Variants in SPAG16 observed in about 807,000 individuals in gnomAD.
SPAG16 encodes sperm associated antigen 16.
SPAG16 carries 86 observed loss-of-function variants against 80.4 expected under a neutral mutation model. That is an observed-to-expected ratio of 1.07 (90% CI 0.90 to 1.28). The LOEUF (loss-of-function observed/expected upper bound fraction) is 1.28, where lower values mean the gene tolerates loss of function less well. SPAG16 is among the 50% of genes most tolerant of loss of function. The pLI, the probability that SPAG16 is intolerant of heterozygous loss-of-function variation, is 0.00. For missense variants in SPAG16, 870 were observed against 765.3 expected (o/e 1.14, Z -1.61); for synonymous variants, 294 against 265.9 (o/e 1.11, Z -1.03).
At position 214,113,199 on chromosome 2, in the gene SPAG16, A is replaced by G. The variant is rs1217913779; in HGVS notation, c.1593+4938A>G. On this transcript the variant is annotated intron_variant, in intron 14 of 15. Transcript: ENST00000331683. ...TATTGAGAGATCCTCTGTTAGTCTG[A>G]TGGGCTTCCCTTTGTGGGTTACCTG... Among the ~76,000 whole-genome samples, 3 of 152,172 alleles carry G rather than the reference A, an allele frequency of 2.0e-5. No homozygotes were observed. In the East Asian group the frequency reaches 5.8e-4, roughly 29 times the overall value.
At chr2:214,078,242 TA>T in intron 13 of SPAG16, among the ~76,000 whole-genome samples, 1 of 151,998 alleles carries the variant, frequency 6.6e-6, no homozygotes, top group Non-Finnish European at 1.5e-5. Flanking sequence ...TGACAAAGAT[TA>T]AAAGTATAGT....
intron 10 of SPAG16, among the ~76,000 whole-genome samples, chr2:213,672,078 G>A (rs1385654463): frequency 2.6e-5 from 4 of 152,094 alleles, no homozygotes; most frequent in Non-Finnish European, 2.9e-5. Flanking sequence ...CAGCAATGTC[G>A]AGAATTATTA....
At chr2:213,936,724 A>G (rs2106271741) in intron 12 of SPAG16, among the ~76,000 whole-genome samples, 1 of 152,334 alleles carries the variant, frequency 6.6e-6, no homozygotes, top group Non-Finnish European at 1.5e-5. Context: ...TATAAACATT[A>G]TAAAAGGCTT....
chr2:213,431,820 G>A (rs2134602), intron 9 of SPAG16, among the ~76,000 whole-genome samples: 22,226 of 151,868 alleles, frequency 0.15, 3,546 homozygotes, highest in African/African-American at 0.4. Flanking sequence ...AGCGCATGCA[G>A]CATTCTCCAA....
chr2:214,112,031 C>T (rs1019018808), intron 14 of SPAG16, among the ~76,000 whole-genome samples: 36 of 152,112 alleles, frequency 2.4e-4, no homozygotes, highest in African/African-American at 7.2e-4. Context: ...TGGGCTGAGG[C>T]GATGGGGTTT....
chr2:213,434,140 G>T (rs555030886), intron 9 of SPAG16, among the ~76,000 whole-genome samples: 13 of 151,900 alleles, frequency 8.6e-5, no homozygotes, highest in African/African-American at 2.7e-4. Context: ...GGCTGGTCTC[G>T]AACTCCTGAC....
chr2:213,561,932 T>C (rs188614998), intron 10 of SPAG16, among the ~76,000 whole-genome samples: 1 of 152,320 alleles, frequency 6.6e-6, no homozygotes, highest in East Asian at 1.9e-4. Flanking sequence ...GCAATGTTTC[T>C]TGAATTGCAG....
Position 213,518,414 on chromosome 2 carries a change from C to A in SPAG16, c.1070+28324C>A, listed in dbSNP as rs1168526943. ...TCCTACAGGAAGCTGGGACTACATG[C>A]TGAGGCAGGTTTTTTTTTCCTGTAG... On this transcript the variant is annotated intron_variant, in intron 10 of 15. Coordinates refer to ENST00000331683, the MANE Select transcript of SPAG16 (RefSeq NM_024532.5). Among the ~76,000 whole-genome samples the A allele has an allele frequency of 2.6e-5, 4 of 152,280 alleles. No individual in the cohort carries two copies. The East Asian group carries it at 7.7e-4, about 29-fold the overall frequency.
intron 15 of SPAG16, among the ~76,000 whole-genome samples, chr2:214,248,287 A>ATATTATTATTATTAT (rs71975870): frequency 7.2e-6 from 1 of 138,518 alleles, no homozygotes; most frequent in African/African-American, 2.7e-5. Flanking sequence ...TACTATTCTT[A>ATATTATTATTATTAT]TATTATTATT....
At chr2:213,919,094 T>G (rs1431207119) in intron 11 of SPAG16, among the ~76,000 whole-genome samples, 1 of 152,160 alleles carries the variant, frequency 6.6e-6, no homozygotes, top group Non-Finnish European at 1.5e-5. Flanking sequence ...AACCATTGAT[T>G]ATTTGGATTA....
At chr2:214,149,783 A>C (rs1243508744) in intron 15 of SPAG16, among the ~76,000 whole-genome samples, 2 of 152,106 alleles carry the variant, frequency 1.3e-5, no homozygotes, top group Non-Finnish European at 2.9e-5. Flanking sequence ...TAATGTTATT[A>C]TATTTAGTTT....
chr2:214,188,884 G>A (rs971887931), intron 15 of SPAG16, among the ~76,000 whole-genome samples: 1 of 152,034 alleles, frequency 6.6e-6, no homozygotes, highest in Admixed American at 6.6e-5. Context: ...TTCAAGTGTG[G>A]GGTCCTGCAT....
intron 10 of SPAG16, among the ~76,000 whole-genome samples, chr2:213,708,690 G>A (rs76819677): frequency 0.025 from 3,801 of 152,204 alleles, 157 homozygotes; most frequent in African/African-American, 0.084. Flanking sequence ...GGCACACACC[G>A]CAGGAGAATC....
At chr2:213,376,910 T>G (rs934362932) in intron 9 of SPAG16, among the ~76,000 whole-genome samples, 1 of 152,178 alleles carries the variant, frequency 6.6e-6, no homozygotes, top group African/African-American at 2.4e-5. Context: ...GGACTGTATT[T>G]AAAGATTTCT....
intron 13 of SPAG16, among the ~76,000 whole-genome samples, chr2:214,042,619 T>G (rs1231614242): frequency 6.6e-6 from 1 of 152,218 alleles, no homozygotes; most frequent in African/African-American, 2.4e-5. Context: ...GTTCAATGTT[T>G]CCTAAGATTG....
chr2:213,451,834 C>T (rs1238041440), intron 9 of SPAG16, among the ~76,000 whole-genome samples: 5 of 152,044 alleles, frequency 3.3e-5, no homozygotes, highest in Admixed American at 6.5e-5. Flanking sequence ...TGCTGCTCTG[C>T]GCTGCTTATC....
chr2:213,739,843 C>G (rs1311602682), intron 10 of SPAG16, among the ~76,000 whole-genome samples: 1 of 152,214 alleles, frequency 6.6e-6, no homozygotes, highest in Non-Finnish European at 1.5e-5. Flanking sequence ...CTCAGGCTAT[C>G]TGCCTGCCTC....
At chr2:213,616,611 T>C (rs927512698) in intron 10 of SPAG16, among the ~76,000 whole-genome samples, 3 of 152,184 alleles carry the variant, frequency 2.0e-5, no homozygotes, top group Non-Finnish European at 4.4e-5. Context: ...CTGAGGGAGT[T>C]GATTAAACAT....
chr2:214,261,746 A>T (rs1049088680), intron 15 of SPAG16, among the ~76,000 whole-genome samples: 1 of 152,262 alleles, frequency 6.6e-6, no homozygotes, highest in East Asian at 1.9e-4. Context: ...CGAAGTGTAA[A>T]TATATGTATA....
Sources: gnomAD v4.1 joint callset for allele counts (sites outside exome capture counted in the v4.1 genomes callset) on GRCh38, gnomAD v4.1.1 for gene constraint, MANE v1.5 for transcripts, NCBI Gene and HGNC (gene_info 2026-07-23, HGNC 2026-07-21) for gene names.